The following COPZ2 variants were observed in gnomAD, a reference collection of about 807,000 sequenced individuals.
COPZ2 encodes the protein coat protein complex I subunit zeta 2.
Under a neutral mutation model 33.2 loss-of-function variants are expected in COPZ2, and 30 were observed. That is an observed-to-expected ratio of 0.90 (90% confidence interval 0.68 to 1.23). The LOEUF is 1.23. COPZ2 is among the 50% of genes most tolerant of loss of function. COPZ2 has a pLI of 0.00. For synonymous variants in COPZ2, 89 were observed against 102.6 expected, an observed-to-expected ratio of 0.87 and a Z score of 0.80; for missense variants, 263 against 262.4, an observed-to-expected ratio of 1.00 and a Z score of -0.02.
chr17:48,030,710 C>T (rs1003496563), intron 6 of COPZ2, among the ~76,000 whole-genome samples: 10 of 152,206 alleles, frequency 6.6e-5, no homozygotes, highest in African/African-American at 2.4e-4. Context: ...CTGGCGCTTC[C>T]CCAGTTTTTC....
In COPZ2 at chr17:48,032,206, C is replaced by T; in HGVS notation, c.444G>A (p.Leu148=). The T allele has an allele frequency of 6.2e-7, 1 of 1,613,466 alleles. No individual in the cohort carries two copies. The highest frequency in any genetic ancestry group is 8.5e-7 in the Non-Finnish European group (1 of 1,179,720). The change falls in exon 6 of 9, where the codon CTG becomes CTA. Residue 148 remains leucine (L), a synonymous_variant. Coordinates refer to ENST00000621465, the MANE Select transcript of COPZ2 (RefSeq NM_016429.4). ...LRKNVEKRWL[L]ENMDGAFLVL... ...CCAAGAAGGCTCCGTCCATGTTCTCCAGCAACCAGCGCTTCTCCACGTTCT... is the reference window on the plus strand; with the variant it reads ...CCAAGAAGGCTCCGTCCATGTTCTCTAGCAACCAGCGCTTCTCCACGTTCT...
At chr17:48,043,584 A>G in the COPZ2 span, 7 of 985,124 alleles carry the variant, frequency 7.1e-6, no homozygotes, top group Non-Finnish European at 8.4e-6. Context: ...AGACCATTCT[A>G]AGGACAGCTC....
chr17:48,029,827 G>A (rs1173513545), intron 6 of COPZ2, among the ~76,000 whole-genome samples: 1 of 152,000 alleles, frequency 6.6e-6, no homozygotes, highest in African/African-American at 2.4e-5. Context: ...AAATCAGCCA[G>A]GCATGGTGGC....
At position 48,026,241 on chromosome 17, in the gene COPZ2, C is replaced by T. The variant is rs1347170295; in HGVS notation, c.*187G>A. ...CTAAGATATGAGTTAAGGCCAGGGCCGTGAGAAAAGGTGACTCTCCTGAGG... is the reference window on the plus strand; with the variant it reads ...CTAAGATATGAGTTAAGGCCAGGGCTGTGAGAAAAGGTGACTCTCCTGAGG... On this transcript the variant is annotated 3_prime_UTR_variant, in exon 9 of 9. Transcript: ENST00000621465. 9 of 592,320 alleles carry T rather than the reference C, an allele frequency of 1.5e-5. No individual in the cohort carries two copies. Among genetic ancestry groups the T allele is most frequent in the South Asian group, 1.1e-4 (5 of 47,570 alleles). The allele number at this position is 592,320 out of a possible 1,614,324, so 36.7% of individuals were successfully genotyped here.
At chr17:48,026,535 G>A (rs1380821422) in intron 8 of COPZ2, 60 bp from the exon 9 acceptor site, 3 of 1,272,264 alleles carry the variant, frequency 2.4e-6, no homozygotes, top group Non-Finnish European at 3.4e-6. Flanking sequence ...TCCATACACA[G>A]TCATGGGGAG....
At chr17:48,044,960 TTTA>T in the COPZ2 span, among the ~76,000 whole-genome samples, 1 of 152,048 alleles carries the variant, frequency 6.6e-6, no homozygotes, top group Non-Finnish European at 1.5e-5. Context: ...TGTTTTTCTT[TTTA>T]TTATTTTTTT....
Position 48,037,674 on chromosome 17 carries a change from C to T in COPZ2, c.104G>A (p.Gly35Glu). ...CGCCCGCCCGCTCCGTACCCGCAGC[C>T]CCGAGGGCTCCCCGGCTCGAGCAGG... ...APPARAGEPS[G>E]LRLQEPSLYT... Residue 35 changes from glycine (G) to glutamate (E), a missense_variant, in exon 1 of 9, where the codon GGG becomes GAG. Transcript: ENST00000621465. This position sits in a 1 kb window ranked among gnomAD's most constrained non-coding sequence, Gnocchi z 5.6. The T allele has an allele frequency of 9.0e-7, 1 of 1,105,202 alleles. No individual in the cohort carries two copies. The highest frequency in any genetic ancestry group is 1.1e-6 in the Non-Finnish European group (1 of 908,672). 68.5% of individuals were successfully genotyped at this position (1,105,202 alleles called of 1,614,324 possible). A position where few individuals can be genotyped will look rare whatever the true frequency, so the allele number is the denominator to read the frequency against.
At position 48,027,367 on chromosome 17, in the gene COPZ2, G is replaced by A. The variant is rs373770083; in HGVS notation, c.586-892C>T. 6.6e-4 allele frequency among the ~76,000 whole-genome samples: 101 copies of A among 152,302 alleles called. 3 individuals carry two copies. The South Asian group carries it at 0.02, about 30-fold the overall frequency. Reference sequence around the variant, plus strand: ...TGGAGCCCTACTAAGAGCTTGTCACGCATTGGCTCATTGAATTCTCATAAC... The same window carrying A: ...TGGAGCCCTACTAAGAGCTTGTCACACATTGGCTCATTGAATTCTCATAAC... On this transcript the variant is annotated intron_variant, in intron 8 of 8. Transcript: ENST00000621465.
intron 1 of COPZ2, 60 bp from the exon 2 acceptor site, chr17:48,036,985 A>G: frequency 7.0e-7 from 1 of 1,430,602 alleles, no homozygotes; most frequent in Non-Finnish European, 9.9e-7. Flanking sequence ...CCCTGTGTCT[A>G]TGGGATCTGC....
chr17:48,040,212 TACAC>T (rs1261191036), upstream of COPZ2, among the ~76,000 whole-genome samples: 1 of 143,318 alleles, frequency 7.0e-6, no homozygotes. Flanking sequence ...GGTGGGACGA[TACAC>T]ACGTGCCACC....
intron 6 of COPZ2, among the ~76,000 whole-genome samples, chr17:48,031,161 A>C (rs1382539472): frequency 2.6e-5 from 4 of 152,148 alleles, no homozygotes; most frequent in Non-Finnish European, 5.9e-5. Context: ...GAGCTCAAGA[A>C]ATTTCTATTG....
chr17:48,040,070 C>T (rs1212864564), upstream of COPZ2, among the ~76,000 whole-genome samples: 4 of 151,694 alleles, frequency 2.6e-5, no homozygotes, highest in Admixed American at 6.6e-5. Context: ...TGCAGTGACC[C>T]GAGACCGCAC....
chr17:48,030,327 C>CACAA, intron 6 of COPZ2, among the ~76,000 whole-genome samples: 1 of 141,424 alleles, frequency 7.1e-6, no homozygotes, highest in Non-Finnish European at 1.5e-5. Context: ...CACACACACA[C>CACAA]ACAAAGAAAC....
At chr17:48,031,244 A>G (rs561102909) in intron 6 of COPZ2, among the ~76,000 whole-genome samples, 23 of 152,252 alleles carry the variant, frequency 1.5e-4, no homozygotes, top group African/African-American at 5.5e-4. Context: ...CGAGGTCAGG[A>G]GATCGAGACC....
intron 8 of COPZ2, among the ~76,000 whole-genome samples, chr17:48,027,038 G>A (rs75222374): frequency 0.018 from 2,762 of 152,336 alleles, 39 homozygotes; most frequent in Non-Finnish European, 0.029. Context: ...AAGCAGGAGA[G>A]GGGGACAGGA....
rs752834330 is a variant in COPZ2 at position 48,028,920 on chromosome 17, C to T, written c.546+205G>A. Reference sequence around the variant, plus strand: ...GAGGTGAGGTACTTGTGCTCCTAGCCGGGGAGAGGACAGGAAGATTTCTTC... The same window carrying T: ...GAGGTGAGGTACTTGTGCTCCTAGCTGGGGAGAGGACAGGAAGATTTCTTC... On this transcript the variant is annotated intron_variant, in intron 7 of 8. Transcript: ENST00000621465. The surrounding 1 kb of genome is among the most constrained non-coding windows in gnomAD (Gnocchi z 4.5). Among the ~76,000 whole-genome samples, 3 of 151,994 alleles carry T rather than the reference C, an allele frequency of 2.0e-5. No individual in the cohort carries two copies. The highest frequency in any genetic ancestry group is 2.1e-4 in the South Asian group (1 of 4,806).
intron 8 of COPZ2, among the ~76,000 whole-genome samples, chr17:48,026,781 C>T (rs951117365): frequency 2.0e-5 from 3 of 152,276 alleles, no homozygotes; most frequent in Admixed American, 2.0e-4. Flanking sequence ...AGTTCCCGCC[C>T]ACAGTGCCAC....
chr17:48,042,287 C>T (rs924588115), upstream of COPZ2, among the ~76,000 whole-genome samples: 2 of 151,950 alleles, frequency 1.3e-5, no homozygotes, highest in African/African-American at 2.4e-5. Flanking sequence ...GTATGCGCCA[C>T]CACACCCAGC....
chr17:48,045,772 A>C, the COPZ2 span: 2 of 149,694 alleles, frequency 1.3e-5, no homozygotes, highest in Non-Finnish European at 3.0e-5. Context: ...ACACATCAGC[A>C]TGGGATCCTT....
Sources: gnomAD v4.1 joint callset for allele counts (sites outside exome capture counted in the v4.1 genomes callset) on GRCh38, gnomAD v4.1.1 for gene constraint, Gnocchi (gnomAD v3.1) non-coding constraint, MANE v1.5 for transcripts, NCBI Gene and HGNC (gene_info 2026-07-23, HGNC 2026-07-21) for gene names.